SH3TC1: variants seen among roughly 807,000 people sequenced by gnomAD.
SH3TC1 encodes the protein SH3 domain and tetratricopeptide repeats 1.
A neutral mutation model predicts 117.3 loss-of-function variants in SH3TC1; 135 were observed. The ratio of observed to expected loss-of-function variants is 1.15; its 90% CI spans 1.00 to 1.33. SH3TC1 has a LOEUF of 1.33. Ranked by LOEUF, SH3TC1 falls within the 40% of genes most tolerant of loss-of-function variation. SH3TC1 has a pLI of 0.00. For synonymous variants in SH3TC1, 898 were observed against 816.9 expected (o/e 1.10, Z -1.69); for missense variants, 2,092 against 1,794.3 (o/e 1.17, Z -3.00).
At position 8,227,205 on chromosome 4, in the gene SH3TC1, T is replaced by G. The variant is rs1440916627; in HGVS notation, c.1511T>G (p.Leu504Arg). The G allele has an allele frequency of 1.3e-6, 2 of 1,565,644 alleles. No individual in the cohort carries two copies. Among genetic ancestry groups the G allele is most frequent in the South Asian group, 2.3e-5 (2 of 86,048 alleles). ...EDPEALSSLL[L>R]FLNAPGYKAS... ...CCAGAGGCCCTGAGCTCACTGCTGCTGTTCCTGAACGCCCCTGGGTACAAG... is the reference window on the plus strand; with the variant it reads ...CCAGAGGCCCTGAGCTCACTGCTGCGGTTCCTGAACGCCCCTGGGTACAAG... Residue 504 changes from leucine to arginine, a missense_variant, in exon 12 of 18, where the codon CTG becomes CGG. Physicochemically the swap from Leu to Arg is moderately radical, Grantham distance 102. Coordinates refer to ENST00000245105, the MANE Select transcript of SH3TC1 (RefSeq NM_018986.5).
rs1472649455 is a variant in SH3TC1 at position 8,205,929 on chromosome 4, A to G, written c.172+563A>G. On this transcript the variant is annotated intron_variant, in intron 2 of 17. Transcript: ENST00000245105. The surrounding 1 kb of genome is among the most constrained non-coding windows in gnomAD (Gnocchi z 5.4). The stretch of plus-strand genomic sequence containing the variant: ...ACGAGGGGAGAGGCAGGGGAGACCA[A>G]GGCCTGCACGGCCCCTCCCGGCAGG... 4 of 486,400 alleles carry G rather than the reference A, an allele frequency of 8.2e-6. No individual in the cohort carries two copies. Among genetic ancestry groups the G allele is most frequent in the Non-Finnish European group, 1.1e-5 (3 of 272,506 alleles). The allele number at this position is 486,400 out of a possible 1,614,324, so 30.1% of individuals were successfully genotyped here.
In SH3TC1 at chr4:8,207,956, C is replaced by T. The variant is rs151058059; in HGVS notation, c.173-1792C>T. 5.0e-3 allele frequency among the ~76,000 whole-genome samples: 761 copies of T among 152,318 alleles called. 1 individual carries two copies. Among genetic ancestry groups the T allele is most frequent in the Admixed American group, 8.2e-3 (126 of 15,304 alleles). ...AGAGACTGAAGAGGAGACCCAGAGC[C>T]AGCGACCATGACACAGGGTTGATTG... On this transcript the variant is annotated intron_variant, in intron 2 of 17. Coordinates refer to ENST00000245105, the MANE Select transcript of SH3TC1 (RefSeq NM_018986.5).
intron 16 of SH3TC1, chr4:8,237,267 G>A: frequency 2.1e-6 from 1 of 478,066 alleles, no homozygotes; most frequent in Non-Finnish European, 3.6e-6. Flanking sequence ...ATCCAAGTCC[G>A]ACTTTGCCAA....
At chr4:8,198,330 C>G (rs896726878), upstream of SH3TC1, among the ~76,000 whole-genome samples, 4 of 152,136 alleles carry the variant, frequency 2.6e-5, no homozygotes, top group African/African-American at 9.7e-5. Flanking sequence ...TTTCTCAAAC[C>G]AGGTGTGTGT....
intron 10 of SH3TC1, chr4:8,224,973 C>T (rs1479736179): frequency 4.9e-6 from 3 of 611,312 alleles, no homozygotes; most frequent in Non-Finnish European, 8.7e-6. Context: ...GCTGGTTGCA[C>T]CTGACCCTGC....
chr4:8,222,361 GTTTTTTTTTTT>G (rs5856006), intron 9 of SH3TC1, among the ~76,000 whole-genome samples: 2 of 40,284 alleles, frequency 5.0e-5, no homozygotes, highest in South Asian at 1.4e-3. Flanking sequence ...TCAGGATCTG[GTTTTTTTTTTT>G]TTTTTTTTTT....
chr4:8,212,638 A>G (rs1718847826), intron 3 of SH3TC1, 63 bp from the exon 4 acceptor site: 1 of 1,607,382 alleles, frequency 6.2e-7, no homozygotes, highest in Non-Finnish European at 8.5e-7. Flanking sequence ...GGTGGAGTAC[A>G]GTGCCCCACA....
At chr4:8,234,721 C>A (rs114252934) in intron 14 of SH3TC1, among the ~76,000 whole-genome samples, 2,067 of 152,338 alleles carry the variant, frequency 0.014, 18 homozygotes, top group Admixed American at 0.025. Flanking sequence ...ATATCCTCCC[C>A]CAATGGCCAG....
chr4:8,214,316 G>A (rs999800623), intron 4 of SH3TC1, among the ~76,000 whole-genome samples, 159 bp from the exon 5 acceptor site: 7 of 152,318 alleles, frequency 4.6e-5, no homozygotes, highest in African/African-American at 1.7e-4. Context: ...TTGAGAGCAG[G>A]GGAGGAGCTG....
chr4:8,216,088 G>A, intron 5 of SH3TC1, 23 bp from the exon 6 acceptor site: 1 of 1,611,370 alleles, frequency 6.2e-7, no homozygotes, highest in East Asian at 2.2e-5. Context: ...GAGCCCTCGG[G>A]TGACTGGGCC....
intron 1 of SH3TC1, among the ~76,000 whole-genome samples, chr4:8,202,005 G>A (rs185771697): frequency 5.6e-4 from 85 of 152,326 alleles, no homozygotes; most frequent in African/African-American, 1.8e-3. Flanking sequence ...CGTTCGGAGC[G>A]AAAGACCCCT....
intron 10 of SH3TC1, among the ~76,000 whole-genome samples, chr4:8,223,196 G>A (rs1347736238): frequency 6.6e-6 from 1 of 152,252 alleles, no homozygotes; most frequent in East Asian, 1.9e-4. Context: ...TGAGACTCCT[G>A]TGGGCACCAG....
At chr4:8,214,884 C>G (rs1719096307) in intron 5 of SH3TC1, among the ~76,000 whole-genome samples, 1 of 152,168 alleles carries the variant, frequency 6.6e-6, no homozygotes, top group African/African-American at 2.4e-5. Flanking sequence ...TGGGGTTTCA[C>G]CATGTTGACC....
rs561045018 is a variant in SH3TC1 at position 8,190,482 on chromosome 4, C to T, written c.-57+8272C>T. ...GGTCCTGGGGGGACTCATCTGTAAG[C>T]TGGGATCTGATGTCCCCGGGCTCTT... On this transcript the variant is annotated intron_variant, in intron 1 of 16. Coordinates refer to the SH3TC1 transcript ENST00000508641. The surrounding 1 kb of genome is among the most constrained non-coding windows in gnomAD (Gnocchi z 4.7). Among the ~76,000 whole-genome samples the T allele has an allele frequency of 3.3e-5, 5 of 152,264 alleles. No individual in the cohort carries two copies. In the East Asian group the frequency reaches 9.7e-4, roughly 29 times the overall value.
intron 17 of SH3TC1, among the ~76,000 whole-genome samples, chr4:8,238,526 G>T (rs1187239644): frequency 6.6e-6 from 1 of 152,172 alleles, no homozygotes; most frequent in East Asian, 1.9e-4. Flanking sequence ...GCTCTTGGGG[G>T]CCTTAGAACA....
At position 8,205,457 on chromosome 4, in the gene SH3TC1, T is replaced by TGGAG; in HGVS notation, c.172+92_172+93insGAGG. On this transcript the variant is annotated intron_variant, in intron 2 of 17. Coordinates refer to ENST00000245105, the MANE Select transcript of SH3TC1 (RefSeq NM_018986.5). The surrounding 1 kb of genome is among the most constrained non-coding windows in gnomAD (Gnocchi z 5.4). ...TCCATCCATCCCTCACCACCCTGCC[T>TGGAG]GCCTCCAGGCCTCTTGGGGCTGGGG... The TGGAG allele has an allele frequency of 2.4e-6, 3 of 1,268,180 alleles. No individual in the cohort carries two copies. The highest frequency in any genetic ancestry group is 1.2e-5 in the South Asian group (1 of 80,540). The allele number at this position is 1,268,180 out of a possible 1,614,324, so 78.6% of individuals were successfully genotyped here.
chr4:8,240,867 C>T lies in SH3TC1; in HGVS notation c.3923C>T (p.Ala1308Val). 6.2e-7 allele frequency: 1 copy of T among 1,613,714 alleles called. No individual in the cohort carries two copies. The highest frequency in any genetic ancestry group is 1.7e-5 in the Admixed American group (1 of 60,032). ...LFFYQKARTF[A>V]TELNVRRVNL... The stretch of plus-strand genomic sequence containing the variant: ...TTCTACCAGAAGGCCAGGACCTTCG[C>T]CACAGAGCTCAACGTCCGCAGGGTC... Residue 1308 changes from alanine to valine, a missense_variant, in exon 18 of 18, where the codon GCC becomes GTC. Coordinates refer to ENST00000245105, the MANE Select transcript of SH3TC1 (RefSeq NM_018986.5).
chr4:8,200,940 A>T (rs952960101), intron 1 of SH3TC1, among the ~76,000 whole-genome samples: 23 of 152,112 alleles, frequency 1.5e-4, no homozygotes, highest in Non-Finnish European at 1.9e-4. Context: ...GGCCATCCTC[A>T]TCTGGAACAC....
At chr4:8,196,356 G>A (rs1717556646), upstream of SH3TC1, among the ~76,000 whole-genome samples, 1 of 152,194 alleles carries the variant, frequency 6.6e-6, no homozygotes, top group South Asian at 2.1e-4. The surrounding 1 kb of genome is among the most constrained non-coding windows in gnomAD (Gnocchi z 4.6). Flanking sequence ...GAGCCTCAGA[G>A]GCTACAGGTG....
Sources: gnomAD v4.1 joint callset for allele counts (sites outside exome capture counted in the v4.1 genomes callset) on GRCh38, gnomAD v4.1.1 for gene constraint, Gnocchi (gnomAD v3.1) non-coding constraint, MANE v1.5 for transcripts, NCBI Gene and HGNC (gene_info 2026-07-23, HGNC 2026-07-21) for gene names.